AOX1: variants seen among roughly 807,000 people sequenced by gnomAD.
AOX1 encodes the protein aldehyde oxidase 1, also known as aldehyde oxidase.
In AOX1, 153 loss-of-function variants were observed where a neutral mutation model predicts 169.5. That is an observed-to-expected ratio of 0.90 (90% CI 0.79 to 1.03). The LOEUF is 1.03. AOX1 is among the 50% of genes least tolerant of loss of function. The pLI is 0.00. For synonymous variants in AOX1, 562 were observed against 581.9 expected, an observed-to-expected ratio of 0.97 and a Z score of 0.49; for missense variants, 1,656 against 1,663.9, an observed-to-expected ratio of 1.00 and a Z score of 0.08.
intron 24 of AOX1, among the ~76,000 whole-genome samples, chr2:200,641,677 G>A (rs2035354790): frequency 6.6e-6 from 1 of 152,020 alleles, no homozygotes; most frequent in Non-Finnish European, 1.5e-5. Context: ...GCAGGTACAT[G>A]CCACCATGCC....
intron 29 of AOX1, 59 bp from the exon 30 acceptor site, chr2:200,661,520 C>T: frequency 7.4e-7 from 1 of 1,348,330 alleles, no homozygotes; most frequent in Non-Finnish European, 1.1e-6. Context: ...AAATTGAAGT[C>T]TTGAGTGATT....
At chr2:200,663,848 T>C (rs532272908) in intron 31 of AOX1, among the ~76,000 whole-genome samples, 3 of 152,358 alleles carry the variant, frequency 2.0e-5, no homozygotes, top group East Asian at 3.9e-4. Context: ...TCTATGCCTG[T>C]GTTCTTGGAT....
At chr2:200,678,639 A>G (rs562481054), downstream of AOX1, 288 of 152,252 alleles carry the variant, frequency 1.9e-3, 3 homozygotes, top group African/African-American at 6.4e-3. Context: ...GAGGTCATTG[A>G]GATAAATTCA....
downstream of AOX1, chr2:200,678,140 G>A (rs556583556): frequency 2.6e-5 from 4 of 152,354 alleles, no homozygotes; most frequent in South Asian, 8.3e-4. Flanking sequence ...CTCTGTTAAA[G>A]GGAGGTGCTA....
chr2:200,618,677 G>T lies in AOX1; in HGVS notation c.1705-1973G>T, dbSNP rs556931373. Among the ~76,000 whole-genome samples the T allele has an allele frequency of 9.9e-5, 15 of 152,172 alleles. No individual in the cohort carries two copies. In the South Asian group the frequency reaches 3.1e-3, roughly 32 times the overall value. Reference sequence around the variant, plus strand: ...GCCAGAGGTTTTTTGTTTTTTTGAGGCCCTTAAGTAGTTGGGTAGTGAGTG... The same window carrying T: ...GCCAGAGGTTTTTTGTTTTTTTGAGTCCCTTAAGTAGTTGGGTAGTGAGTG... On this transcript the variant is annotated intron_variant, in intron 16 of 34. Transcript: ENST00000374700.
chr2:200,664,622 C>T (rs2035893825), intron 31 of AOX1, among the ~76,000 whole-genome samples: 1 of 152,202 alleles, frequency 6.6e-6, no homozygotes, highest in Non-Finnish European at 1.5e-5. Flanking sequence ...GTCATATAGC[C>T]TCATCAGATG....
Position 200,620,942 on chromosome 2 carries a change from G to A in AOX1, c.1874+123G>A, listed in dbSNP as rs988671087. 9.9e-6 allele frequency: 13 copies of A among 1,315,534 alleles called. No individual in the cohort carries two copies. In the Admixed American group the frequency reaches 2.9e-4, roughly 29 times the overall value. 81.5% of individuals were successfully genotyped at this position (1,315,534 alleles called of 1,614,324 possible). Reference sequence around the variant, plus strand: ...TTGGTGATATCCAATGCAGACCAGAGGTGAAACAGGATCGAAATGTAGGAT... The same window carrying A: ...TTGGTGATATCCAATGCAGACCAGAAGTGAAACAGGATCGAAATGTAGGAT... On this transcript the variant is annotated intron_variant, in intron 17 of 34. Coordinates refer to ENST00000374700, the MANE Select transcript of AOX1 (RefSeq NM_001159.4).
chr2:200,662,210 G>A (rs1361469631), intron 30 of AOX1, among the ~76,000 whole-genome samples: 1 of 152,180 alleles, frequency 6.6e-6, no homozygotes, highest in African/African-American at 2.4e-5. Flanking sequence ...TGCGGGACCT[G>A]GGCACTGACT....
downstream of AOX1, chr2:200,678,122 T>A (rs1219606107): frequency 6.6e-6 from 1 of 152,226 alleles, no homozygotes; most frequent in African/African-American, 2.4e-5. Flanking sequence ...GCAACTCTTC[T>A]AGAATTTCTC....
chr2:200,587,289 TA>T (rs1282753593), intron 1 of AOX1, among the ~76,000 whole-genome samples: 1 of 152,042 alleles, frequency 6.6e-6, no homozygotes, highest in East Asian at 1.9e-4. Context: ...TCCTATTTCT[TA>T]AAAACAACAA....
At position 200,670,543 on chromosome 2, in the gene AOX1, G is replaced by C; in HGVS notation, c.3967-86G>C. ...ATGGCCCTGGTTGCCCTCTGCTGGTGTTTAACCTACTTTATGTTCTTCTAT... is the reference window on the plus strand; with the variant it reads ...ATGGCCCTGGTTGCCCTCTGCTGGTCTTTAACCTACTTTATGTTCTTCTAT... On this transcript the variant is annotated intron_variant, in intron 34 of 34. Transcript: ENST00000374700. The C allele has an allele frequency of 2.5e-6, 3 of 1,198,804 alleles. No individual in the cohort carries two copies. The Admixed American group carries it at 5.1e-5, about 21-fold the overall frequency. 74.3% of individuals were successfully genotyped at this position (1,198,804 alleles called of 1,614,324 possible). A position where few individuals can be genotyped will look rare whatever the true frequency, so the allele number is the denominator to read the frequency against.
chr2:200,662,068 C>T (rs1228210225), intron 30 of AOX1, among the ~76,000 whole-genome samples: 1 of 152,208 alleles, frequency 6.6e-6, no homozygotes, highest in Non-Finnish European at 1.5e-5. Flanking sequence ...AACCATGTTA[C>T]ATTAAGATGT....
intron 3 of AOX1, among the ~76,000 whole-genome samples, chr2:200,596,311 A>G (rs910962189): frequency 6.6e-6 from 1 of 152,066 alleles, no homozygotes; most frequent in African/African-American, 2.4e-5. Flanking sequence ...CTCACCTTCC[A>G]TGCTTTGGGA....
intron 1 of AOX1, among the ~76,000 whole-genome samples, chr2:200,592,895 C>G (rs2034204095): frequency 6.6e-6 from 1 of 152,138 alleles, no homozygotes; most frequent in South Asian, 2.1e-4. Flanking sequence ...TTTCTGTTAG[C>G]AGAAACAACA....
chr2:200,591,565 T>A (rs530981116), intron 1 of AOX1, among the ~76,000 whole-genome samples: 1 of 152,284 alleles, frequency 6.6e-6, no homozygotes, highest in African/African-American at 2.4e-5. Flanking sequence ...CGGAAATAGT[T>A]GGTTATTAAT....
At chr2:200,624,602 G>C (rs1176885540) in intron 19 of AOX1, among the ~76,000 whole-genome samples, 1 of 152,214 alleles carries the variant, frequency 6.6e-6, no homozygotes, top group Non-Finnish European at 1.5e-5. Flanking sequence ...GTTCCATGAA[G>C]TGAGTGTCAG....
chr2:200,616,186 T>C, intron 16 of AOX1, 123 bp downstream of exon 16: 1 of 684,850 alleles, frequency 1.5e-6, no homozygotes, highest in Non-Finnish European at 2.5e-6. Flanking sequence ...TCTGGTAAAC[T>C]CACAGCCTCT....
chr2:200,654,945 T>A (rs2035652753), intron 26 of AOX1, among the ~76,000 whole-genome samples: 1 of 152,218 alleles, frequency 6.6e-6, no homozygotes. Context: ...GGCTGAGTGA[T>A]ATCTGATAGA....
chr2:200,637,143 T>C, intron 22 of AOX1, 99 bp downstream of exon 22: 2 of 1,420,178 alleles, frequency 1.4e-6, no homozygotes, highest in Non-Finnish European at 1.9e-6. Context: ...TTATTTAATA[T>C]CACATATACG....
Sources: gnomAD v4.1 joint callset for allele counts (sites outside exome capture counted in the v4.1 genomes callset) on GRCh38, gnomAD v4.1.1 for gene constraint, MANE v1.5 for transcripts, NCBI Gene and HGNC (gene_info 2026-07-23, HGNC 2026-07-21) for gene names.